The following NBEA variants were observed in gnomAD, a reference collection of about 807,000 sequenced individuals.
The protein encoded by NBEA is neurobeachin.
A neutral mutation model predicts 343.4 loss-of-function variants in NBEA; 44 were observed. That is an observed-to-expected ratio of 0.13 (90% CI 0.10 to 0.16). The LOEUF (loss-of-function observed/expected upper bound fraction) is 0.16. Among genes scored for constraint, NBEA ranks in the 10% least tolerant of loss-of-function variants. The pLI is 1.00. For missense variants in NBEA, 2,555 were observed against 3,631.3 expected (o/e 0.70, Z 7.62); for synonymous variants, 1,175 against 1,238.7 (o/e 0.95, Z 1.08).
intron 34 of NBEA, among the ~76,000 whole-genome samples, chr13:35,236,012 CCTA>C (rs1213860966): frequency 6.6e-6 from 1 of 152,110 alleles, no homozygotes; most frequent in Admixed American, 6.5e-5. Context: ...TTTAATACAT[CCTA>C]CTTTTTAAAC....
chr13:35,365,579 C>A (rs1195981913), intron 38 of NBEA, among the ~76,000 whole-genome samples: 1 of 151,568 alleles, frequency 6.6e-6, no homozygotes, highest in Admixed American at 6.6e-5. Context: ...TTGTTGAAAT[C>A]ATTGAAGATG....
At chr13:35,634,058 C>T (rs543844107) in intron 49 of NBEA, among the ~76,000 whole-genome samples, 1 of 151,892 alleles carries the variant, frequency 6.6e-6, no homozygotes, top group East Asian at 2.0e-4. Flanking sequence ...AAAAGTTTTA[C>T]ATTAGGCCAG....
chr13:35,047,363 A>G (rs1448759012), intron 4 of NBEA, among the ~76,000 whole-genome samples: 1 of 152,020 alleles, frequency 6.6e-6, no homozygotes, highest in African/African-American at 2.4e-5. Context: ...CTAGATATGC[A>G]AATACAGCTT....
chr13:35,527,236 C>T (rs189110258), intron 41 of NBEA, among the ~76,000 whole-genome samples: 24 of 152,200 alleles, frequency 1.6e-4, no homozygotes, highest in African/African-American at 4.8e-4. Context: ...CATGGGTGAA[C>T]GTGGGCATGC....
At chr13:35,084,229 A>G (rs904441388) in intron 10 of NBEA, among the ~76,000 whole-genome samples, 1 of 152,166 alleles carries the variant, frequency 6.6e-6, no homozygotes, top group African/African-American at 2.4e-5. Context: ...AGCGGACCTA[A>G]TAGACATCTA....
At chr13:34,983,541 G>A (rs926484667) in intron 1 of NBEA, among the ~76,000 whole-genome samples, 3 of 152,130 alleles carry the variant, frequency 2.0e-5, no homozygotes, top group Non-Finnish European at 4.4e-5. Context: ...ATACCCAGTA[G>A]TGGGATCGCT....
intron 18 of NBEA, among the ~76,000 whole-genome samples, chr13:35,149,944 C>T (rs1416289349): frequency 2.0e-5 from 3 of 152,124 alleles, no homozygotes; most frequent in Non-Finnish European, 2.9e-5. Context: ...TTTTACCCAC[C>T]ACCTATACTC....
intron 13 of NBEA, among the ~76,000 whole-genome samples, chr13:35,115,582 T>C (rs1482755091): frequency 1.3e-5 from 2 of 152,188 alleles, no homozygotes; most frequent in African/African-American, 2.4e-5. Flanking sequence ...TTCTATAGTT[T>C]ACATAAATAG....
chr13:35,484,534 G>A (rs1239625546), intron 41 of NBEA, among the ~76,000 whole-genome samples: 1 of 151,738 alleles, frequency 6.6e-6, no homozygotes, highest in Non-Finnish European at 1.5e-5. Context: ...TTAGCCACGG[G>A]CATCTGTAGA....
At chr13:35,185,889 T>C (rs2071666236) in intron 30 of NBEA, 1 of 152,162 alleles carries the variant, frequency 6.6e-6, no homozygotes, top group Admixed American at 6.6e-5. Flanking sequence ...CAAATATTTT[T>C]CATGAACTCA....
chr13:35,157,275 C>T lies in NBEA; in HGVS notation c.2844+5C>T, dbSNP rs779420395. The T allele has an allele frequency of 6.5e-7, 1 of 1,529,230 alleles. No homozygotes were observed. Among genetic ancestry groups the T allele is most frequent in the East Asian group, 2.4e-5 (1 of 42,442 alleles). 94.7% of individuals were successfully genotyped at this position (1,529,230 alleles called of 1,614,324 possible). ...CTCTCAATAGCCCATTCCAAGGTAA[C>T]ACGGGATTTAACATTTTAACATCAT... On this transcript the variant is annotated splice_donor_5th_base_variant and intron_variant, in intron 21 of 58. Transcript: ENST00000379939.
At chr13:35,233,630 C>T (rs770497951) in intron 34 of NBEA, among the ~76,000 whole-genome samples, 5 of 152,094 alleles carry the variant, frequency 3.3e-5, no homozygotes, top group Non-Finnish European at 7.4e-5. Context: ...ACATAATGAG[C>T]TTCTCAGGTT....
At chr13:34,992,814 A>G (rs1445918374) in intron 1 of NBEA, among the ~76,000 whole-genome samples, 2 of 149,340 alleles carry the variant, frequency 1.3e-5, no homozygotes, top group Non-Finnish European at 3.0e-5. Flanking sequence ...CTGGGACTAC[A>G]GGCCCCCGCC....
intron 40 of NBEA, among the ~76,000 whole-genome samples, chr13:35,458,893 A>G (rs2046737870): frequency 6.6e-6 from 1 of 152,118 alleles, no homozygotes; most frequent in South Asian, 2.1e-4. Flanking sequence ...GATATTTTTT[A>G]AGTAATTAGT....
At chr13:35,076,773 T>C (rs2064139044) in intron 10 of NBEA, among the ~76,000 whole-genome samples, 1 of 152,130 alleles carries the variant, frequency 6.6e-6, no homozygotes, top group Non-Finnish European at 1.5e-5. Flanking sequence ...TTCCACATTC[T>C]GTTGTCTTTA....
chr13:35,418,852 T>A (rs1475531605), intron 38 of NBEA, among the ~76,000 whole-genome samples: 7 of 152,040 alleles, frequency 4.6e-5, no homozygotes, highest in Non-Finnish European at 5.9e-5. Flanking sequence ...CTATAACAAA[T>A]TACAGGCTAA....
At chr13:35,247,576 TC>T (rs2031392314) in intron 34 of NBEA, among the ~76,000 whole-genome samples, 1 of 152,130 alleles carries the variant, frequency 6.6e-6, no homozygotes, top group South Asian at 2.1e-4. Flanking sequence ...GGGTGTGCAT[TC>T]AGGGGCAGAT....
intron 34 of NBEA, among the ~76,000 whole-genome samples, chr13:35,253,998 T>C (rs1397484376): frequency 6.6e-6 from 1 of 152,186 alleles, no homozygotes; most frequent in African/African-American, 2.4e-5. Flanking sequence ...TGTTGGAAAT[T>C]AGTCAACTAC....
Position 35,142,372 on chromosome 13 carries a change from T to C in NBEA, c.2440T>C (p.Tyr814His). ...TVTVTTYNTLYEILTEQVCTQ... is the reference protein window; with the variant it reads ...TVTVTTYNTLHEILTEQVCTQ... Reference sequence around the variant, plus strand: ...GACTGTCACCACATACAACACACTTTATGAGGTAAAAATAAAAAATGTGTG... The same window carrying C: ...GACTGTCACCACATACAACACACTTCATGAGGTAAAAATAAAAAATGTGTG... Residue 814 changes from tyrosine (Y) to histidine (H), a missense_variant, in exon 18 of 59, where the codon TAT (tyrosine) becomes CAT (histidine). Transcript: ENST00000379939. The C allele has an allele frequency of 6.2e-7, 1 of 1,609,502 alleles. No individual in the cohort carries two copies. The highest frequency in any genetic ancestry group is 8.5e-7 in the Non-Finnish European group (1 of 1,176,658).
Sources: allele counts gnomAD v4.1 joint callset (sites outside exome capture counted in the v4.1 genomes callset), GRCh38; gene constraint gnomAD v4.1.1; transcripts MANE v1.5; gene names NCBI Gene and HGNC (gene_info 2026-07-23, HGNC 2026-07-21).